THEMIS: variants seen among roughly 807,000 people sequenced by gnomAD.
THEMIS encodes protein THEMIS.
Under a neutral mutation model 52.6 loss-of-function variants are expected in THEMIS, and 37 were observed. The observed-to-expected ratio is 0.70, with a 90% CI of 0.54 to 0.93. THEMIS has a LOEUF of 0.93. Ranked by LOEUF, THEMIS falls within the 40% of genes least tolerant of loss-of-function variation. THEMIS has a pLI of 0.00. For synonymous variants in THEMIS, 292 were observed against 272.7 expected, an observed-to-expected ratio of 1.07 and a Z score of -0.70; for missense variants, 808 against 763.1, an observed-to-expected ratio of 1.06 and a Z score of -0.69.
chr6:127,786,276 C>T (rs1158798839), intron 4 of THEMIS, among the ~76,000 whole-genome samples: 1 of 152,120 alleles, frequency 6.6e-6, no homozygotes, highest in Admixed American at 6.6e-5. Flanking sequence ...AACAGCTTGG[C>T]CATCTGTTAT....
intron 4 of THEMIS, among the ~76,000 whole-genome samples, chr6:127,792,862 C>A (rs1777204320): frequency 6.6e-6 from 1 of 152,162 alleles, no homozygotes; most frequent in Admixed American, 6.5e-5. Context: ...TGAGCAGAAC[C>A]AATTATAAGT....
chr6:127,752,366 T>TA (rs1328008804), intron 4 of THEMIS, among the ~76,000 whole-genome samples: 1 of 149,810 alleles, frequency 6.7e-6, no homozygotes, highest in Non-Finnish European at 1.5e-5. Flanking sequence ...ACGAAGAGTT[T>TA]TTTTTTTTTT....
chr6:127,774,484 C>T lies in THEMIS; in HGVS notation c.1758+38399G>A, dbSNP rs139247622. Among the ~76,000 whole-genome samples the T allele has an allele frequency of 3.5e-3, 526 of 152,330 alleles. 2 individuals are homozygous for T. Among genetic ancestry groups the T allele is most frequent in the African/African-American group, 0.012 (497 of 41,572 alleles). ...CCTCCCAAAGTGCTGGGATTACAGG[C>T]GTGAGCCACTGCGCCCGGCCAGAAC... On this transcript the variant is annotated intron_variant, in intron 4 of 5. Transcript: ENST00000368248.
At chr6:127,710,037 G>T in intron 5 of THEMIS, 21 bp from the exon 6 acceptor site, 3 of 1,518,126 alleles carry the variant, frequency 2.0e-6, no homozygotes, top group Non-Finnish European at 2.7e-6. Flanking sequence ...AAAAAGAAGG[G>T]TTTATCAGAA....
intron 4 of THEMIS, among the ~76,000 whole-genome samples, chr6:127,755,507 GA>G (rs920860667): frequency 1.2e-4 from 19 of 152,010 alleles, no homozygotes; most frequent in African/African-American, 4.3e-4. Flanking sequence ...CATTTTTAAA[GA>G]TTTTTTTTAT....
intron 2 of THEMIS, among the ~76,000 whole-genome samples, chr6:127,832,638 T>C (rs1012183554): frequency 1.3e-5 from 2 of 152,140 alleles, no homozygotes; most frequent in African/African-American, 4.8e-5. Context: ...AAAAATATGC[T>C]TTGTTATTCT....
chr6:127,853,904 A>C (rs1042199988), intron 2 of THEMIS, among the ~76,000 whole-genome samples: 24 of 151,722 alleles, frequency 1.6e-4, no homozygotes, highest in Non-Finnish European at 4.4e-5. Context: ...CAATGGCTGC[A>C]GAATCCCTGT....
chr6:127,725,499 G>A (rs920404642), intron 4 of THEMIS, among the ~76,000 whole-genome samples: 10 of 151,626 alleles, frequency 6.6e-5, no homozygotes, highest in African/African-American at 2.4e-4. Flanking sequence ...TTATATAGTT[G>A]AATCACCATA....
intron 1 of THEMIS, among the ~76,000 whole-genome samples, chr6:127,899,204 G>A (rs184736614): frequency 6.6e-6 from 1 of 151,730 alleles, no homozygotes; most frequent in Non-Finnish European, 1.5e-5. Context: ...ATTACACACT[G>A]TATCAAAATA....
At chr6:127,855,322 G>T in intron 1 of THEMIS, 134 bp from the exon 2 acceptor site, 1 of 737,084 alleles carries the variant, frequency 1.4e-6, no homozygotes, top group Non-Finnish European at 2.1e-6. Context: ...ATTTAATCAA[G>T]CTTGGCAAAA....
intron 3 of THEMIS, among the ~76,000 whole-genome samples, chr6:127,818,894 C>A (rs1778226673): frequency 6.6e-6 from 1 of 151,516 alleles, no homozygotes; most frequent in Non-Finnish European, 1.5e-5. Flanking sequence ...CTGAGGCAGG[C>A]AGATCACAAG....
chr6:127,795,439 C>T (rs1777295187), intron 4 of THEMIS, among the ~76,000 whole-genome samples: 1 of 152,288 alleles, frequency 6.6e-6, no homozygotes, highest in Non-Finnish European at 1.5e-5. Context: ...TGCCATTCTC[C>T]TGCCTCAGCC....
At chr6:127,876,134 A>T (rs1339740349) in intron 1 of THEMIS, among the ~76,000 whole-genome samples, 1 of 152,156 alleles carries the variant, frequency 6.6e-6, no homozygotes, top group Non-Finnish European at 1.5e-5. Flanking sequence ...ATTGTAAGAA[A>T]TTTTTCCTCA....
chr6:127,792,090 C>T (rs1450590394), intron 4 of THEMIS, among the ~76,000 whole-genome samples: 11 of 152,282 alleles, frequency 7.2e-5, no homozygotes, highest in East Asian at 3.9e-4. Flanking sequence ...CACCTGTTCC[C>T]GGCTCCCACC....
intron 4 of THEMIS, among the ~76,000 whole-genome samples, chr6:127,758,429 T>TATATAACATATATAATATATATTATAA (rs1775908301): frequency 6.8e-6 from 1 of 147,390 alleles, no homozygotes; most frequent in African/African-American, 2.5e-5. Context: ...ATATATTATA[T>TATATAACATATATAATATATATTATAA]ATATAACATA....
At chr6:127,753,428 A>T (rs1200450770) in intron 4 of THEMIS, among the ~76,000 whole-genome samples, 1 of 152,074 alleles carries the variant, frequency 6.6e-6, no homozygotes, top group African/African-American at 2.4e-5. Flanking sequence ...AAAATAATAA[A>T]AATACTTAAG....
intron 1 of THEMIS, among the ~76,000 whole-genome samples, chr6:127,911,349 CATTTATTTATTT>C (rs543008326): frequency 6.6e-6 from 1 of 150,562 alleles, no homozygotes; most frequent in East Asian, 1.9e-4. Flanking sequence ...TCTTCTCCTT[CATTTATTTATTT>C]ATTTATTTAT....
At chr6:127,845,186 G>A (rs750144902) in intron 2 of THEMIS, among the ~76,000 whole-genome samples, 7 of 151,886 alleles carry the variant, frequency 4.6e-5, no homozygotes, top group Non-Finnish European at 8.8e-5. Flanking sequence ...ATTGGTCAAA[G>A]GCTGGGTATC....
At chr6:127,780,483 C>T (rs1776706512) in intron 4 of THEMIS, among the ~76,000 whole-genome samples, 2 of 152,182 alleles carry the variant, frequency 1.3e-5, no homozygotes, top group African/African-American at 2.4e-5. Context: ...GCAGTTTCTT[C>T]ATAGTGTTGA....
Sources: gnomAD v4.1 joint callset for allele counts (sites outside exome capture counted in the v4.1 genomes callset) on GRCh38, gnomAD v4.1.1 for gene constraint, MANE v1.5 for transcripts, NCBI Gene and HGNC (gene_info 2026-07-23, HGNC 2026-07-21) for gene names.